Variants in ACBD5 observed in about 807,000 individuals in gnomAD.
The protein encoded by ACBD5 is acyl-CoA-binding domain-containing protein 5.
In ACBD5, 40 loss-of-function variants were observed where a neutral mutation model predicts 71.8. That is an observed-to-expected ratio of 0.56 (90% CI 0.43 to 0.72). The LOEUF (loss-of-function observed/expected upper bound fraction) is 0.72. Ranked by LOEUF, ACBD5 falls within the 30% of genes least tolerant of loss-of-function variation. The probability of loss-of-function intolerance (pLI) is 0.00; values close to 1 mark genes in which losing one functional copy is unlikely to be tolerated. For synonymous variants in ACBD5, 229 were observed against 218.6 expected, an observed-to-expected ratio of 1.05 and a Z score of -0.42; for missense variants, 559 against 644.5, an observed-to-expected ratio of 0.87 and a Z score of 1.44.
intron 4 of ACBD5, among the ~76,000 whole-genome samples, chr10:27,227,354 C>T (rs1475439840): frequency 2.0e-5 from 3 of 151,552 alleles, no homozygotes; most frequent in Admixed American, 6.6e-5. Flanking sequence ...CTTAAGAAAG[C>T]GAAGACTAAA....
chr10:27,210,921 C>A lies in ACBD5; in HGVS notation c.1097G>T (p.Gly366Val). The A allele has an allele frequency of 6.2e-7, 1 of 1,614,196 alleles. No homozygotes were observed. Among genetic ancestry groups the A allele is most frequent in the Non-Finnish European group, 8.5e-7 (1 of 1,180,040 alleles). The stretch of plus-strand genomic sequence containing the variant: ...ATCTTCTCCTCCATGCTTGACTTCA[C>A]CTTTTCCTTCAACTGCAACCACCTG... ...NMQVVAVEGK[G>V]EVKHGGEDGR... Residue 366 changes from glycine (G) to valine (V), a missense_variant, in exon 9 of 13, where the codon GGT becomes GTT. Coordinates refer to ENST00000396271, the MANE Select transcript of ACBD5 (RefSeq NM_145698.5).
At chr10:27,217,643 T>G (rs1190655659) in intron 7 of ACBD5, among the ~76,000 whole-genome samples, 1 of 151,842 alleles carries the variant, frequency 6.6e-6, no homozygotes, top group Non-Finnish European at 1.5e-5. Flanking sequence ...GGCAAAACCC[T>G]GTCTCTACAA....
intron 4 of ACBD5, among the ~76,000 whole-genome samples, chr10:27,224,760 G>A (rs2062793426): frequency 6.6e-6 from 1 of 152,180 alleles, no homozygotes; most frequent in Admixed American, 6.5e-5. Flanking sequence ...GCCGGGCGTG[G>A]TGGCTCACGC....
intron 8 of ACBD5, among the ~76,000 whole-genome samples, chr10:27,212,364 TTGAG>T (rs1307318985): frequency 6.6e-6 from 1 of 152,070 alleles, no homozygotes; most frequent in Admixed American, 6.6e-5. Flanking sequence ...CATCAACTGA[TTGAG>T]AGAGAAAACA....
At chr10:27,197,845 C>G (rs1360917777) in intron 12 of ACBD5, among the ~76,000 whole-genome samples, 1 of 152,032 alleles carries the variant, frequency 6.6e-6, no homozygotes, top group African/African-American at 2.4e-5. Flanking sequence ...CGAGGTTTCG[C>G]CATTTGAACT....
At chr10:27,189,695 A>G (rs2058991980) in intron 13 of ACBD5, among the ~76,000 whole-genome samples, 1 of 151,502 alleles carries the variant, frequency 6.6e-6, no homozygotes, top group Non-Finnish European at 1.5e-5. Flanking sequence ...CAGCACACCA[A>G]CATGGCACAT....
chr10:27,221,064 A>G (rs1557166), intron 5 of ACBD5, among the ~76,000 whole-genome samples: 2 of 152,206 alleles, frequency 1.3e-5, no homozygotes, highest in African/African-American at 4.8e-5. Flanking sequence ...AAAGGAGTAA[A>G]TAACCTAAAT....
intron 3 of ACBD5, among the ~76,000 whole-genome samples, chr10:27,233,287 C>T (rs184750848): frequency 5.9e-5 from 9 of 152,078 alleles, no homozygotes; most frequent in African/African-American, 1.2e-4. Context: ...ATTAGCCAGG[C>T]GTGGTGGCAC....
chr10:27,216,041 A>G (rs147124997), intron 7 of ACBD5, among the ~76,000 whole-genome samples: 1 of 151,676 alleles, frequency 6.6e-6, no homozygotes, highest in African/African-American at 2.4e-5. Context: ...CACCTGGCTA[A>G]TTTTGCATTT....
chr10:27,201,602 A>G (rs2059935977), intron 12 of ACBD5, among the ~76,000 whole-genome samples: 1 of 152,210 alleles, frequency 6.6e-6, no homozygotes, highest in African/African-American at 2.4e-5. Flanking sequence ...CAGGAGTTCA[A>G]GACCAGTCTG....
At chr10:27,213,939 T>C (rs1460987887) in intron 8 of ACBD5, among the ~76,000 whole-genome samples, 1 of 151,962 alleles carries the variant, frequency 6.6e-6, no homozygotes, top group East Asian at 1.9e-4. Context: ...AACAGACGAA[T>C]GGATAAAGAA....
intron 9 of ACBD5, among the ~76,000 whole-genome samples, chr10:27,209,467 C>T (rs780153871): frequency 5.9e-5 from 9 of 152,056 alleles, no homozygotes; most frequent in Non-Finnish European, 1.0e-4. Context: ...GGATTACAGG[C>T]GCATGCCACT....
intron 4 of ACBD5, among the ~76,000 whole-genome samples, chr10:27,230,208 C>T (rs972985931): frequency 6.6e-6 from 1 of 151,330 alleles, no homozygotes; most frequent in African/African-American, 2.4e-5. Flanking sequence ...TAGTTAATAG[C>T]CAAAAGAACG....
chr10:27,194,642 T>TAAGAAGAAGAAG (rs983621423), downstream of ACBD5, among the ~76,000 whole-genome samples: 1 of 148,288 alleles, frequency 6.7e-6, no homozygotes, highest in African/African-American at 2.5e-5. Flanking sequence ...ATAATAATAA[T>TAAGAAGAAGAAG]AATAATAAGA....
chr10:27,205,177 A>G (rs1554832024), intron 11 of ACBD5, 21 bp downstream of exon 11: 1 of 1,608,100 alleles, frequency 6.2e-7, no homozygotes, highest in Non-Finnish European at 8.5e-7. Flanking sequence ...TGGCATTTAA[A>G]TTTTTTAAAA....
intron 10 of ACBD5, among the ~76,000 whole-genome samples, chr10:27,206,700 G>C (rs1234657212): frequency 6.6e-6 from 1 of 151,926 alleles, no homozygotes; most frequent in African/African-American, 2.4e-5. Context: ...GTTTTTAGTA[G>C]AGATGGGGTT....
At chr10:27,208,617 C>T (rs2060729318) in intron 9 of ACBD5, among the ~76,000 whole-genome samples, 172 bp from the exon 10 acceptor site, 1 of 152,158 alleles carries the variant, frequency 6.6e-6, no homozygotes, top group Non-Finnish European at 1.5e-5. Flanking sequence ...ACGGGCGGAT[C>T]ACCTGAGGTC....
At chr10:27,198,971 T>TA (rs1221584129) in intron 12 of ACBD5, among the ~76,000 whole-genome samples, 1 of 151,862 alleles carries the variant, frequency 6.6e-6, no homozygotes, top group Non-Finnish European at 1.5e-5. Context: ...TAGCAGGGCA[T>TA]GGTGGCACGC....
chr10:27,228,811 A>ATTTT (rs2063446901), intron 4 of ACBD5, among the ~76,000 whole-genome samples: 1 of 15,876 alleles, frequency 6.3e-5, no homozygotes, highest in African/African-American at 1.1e-4. Flanking sequence ...ATATATATAT[A>ATTTT]TATATTTTTT....
Sources: gnomAD v4.1 joint callset for allele counts (sites outside exome capture counted in the v4.1 genomes callset) on GRCh38, gnomAD v4.1.1 for gene constraint, MANE v1.5 for transcripts, NCBI Gene and HGNC (gene_info 2026-07-23, HGNC 2026-07-21) for gene names.